TMEFF2: variants seen among roughly 807,000 people sequenced by gnomAD.
TMEFF2 encodes the protein tomoregulin-2.
A neutral mutation model predicts 53.8 loss-of-function variants in TMEFF2; 28 were observed. The observed-to-expected ratio is 0.52, with a 90% confidence interval of 0.39 to 0.71. TMEFF2 has a LOEUF of 0.71. TMEFF2 is among the 30% of genes least tolerant of loss of function. The pLI is 0.00. For synonymous variants in TMEFF2, 162 were observed against 166.3 expected (o/e 0.97, Z 0.20); for missense variants, 353 against 455.2 (o/e 0.78, Z 2.04).
chr2:192,120,861 C>G (rs936468785), intron 4 of TMEFF2, among the ~76,000 whole-genome samples: 2 of 152,018 alleles, frequency 1.3e-5, no homozygotes, highest in African/African-American at 2.4e-5. Context: ...CTCAGCCTCC[C>G]GAATAGCTGG....
At chr2:192,075,308 T>TATATATATAAATATAA (rs1688395499) in intron 4 of TMEFF2, among the ~76,000 whole-genome samples, 10 of 67,940 alleles carry the variant, frequency 1.5e-4, no homozygotes, top group Admixed American at 3.4e-4. Context: ...TATATATATA[T>TATATATATAAATATAA]ATATATATAT....
intron 4 of TMEFF2, among the ~76,000 whole-genome samples, chr2:192,121,440 G>A (rs1454618334): frequency 6.6e-6 from 1 of 152,172 alleles, no homozygotes; most frequent in African/African-American, 2.4e-5. Flanking sequence ...TGGAGACAAA[G>A]TAGAAGGAGG....
intron 7 of TMEFF2, among the ~76,000 whole-genome samples, chr2:191,977,521 T>C (rs1025649432): frequency 2.0e-5 from 3 of 152,200 alleles, no homozygotes; most frequent in African/African-American, 7.2e-5. Flanking sequence ...ACAGGGTCAG[T>C]AAAGATACAC....
At chr2:192,146,365 G>A (rs913729083) in intron 4 of TMEFF2, among the ~76,000 whole-genome samples, 3 of 152,042 alleles carry the variant, frequency 2.0e-5, no homozygotes, top group African/African-American at 7.2e-5. Flanking sequence ...GGAAATGGGT[G>A]TGGAGGGGAG....
At chr2:192,176,540 G>C (rs1691049464) in intron 4 of TMEFF2, among the ~76,000 whole-genome samples, 1 of 151,254 alleles carries the variant, frequency 6.6e-6, no homozygotes. Flanking sequence ...TGTGGGTCAT[G>C]TTGGAAGCAC....
chr2:191,995,247 T>C (rs1686195947), intron 7 of TMEFF2, among the ~76,000 whole-genome samples: 1 of 152,008 alleles, frequency 6.6e-6, no homozygotes. Flanking sequence ...TTCAAGAAGA[T>C]CTCCATTTTT....
chr2:192,156,025 A>C (rs1215429524), intron 4 of TMEFF2, among the ~76,000 whole-genome samples: 1 of 151,592 alleles, frequency 6.6e-6, no homozygotes, highest in Non-Finnish European at 1.5e-5. Context: ...AAAAAAAAAA[A>C]CAAGATAATA....
At chr2:191,973,421 GTATATACACATACACGCACATGCA>G (rs1692708944) in intron 7 of TMEFF2, among the ~76,000 whole-genome samples, 1 of 151,960 alleles carries the variant, frequency 6.6e-6, no homozygotes, top group Non-Finnish European at 1.5e-5. Flanking sequence ...ATATGTGTGT[GTATATACACATACACGCACATGCA>G]TATATACACA....
intron 4 of TMEFF2, among the ~76,000 whole-genome samples, chr2:192,143,595 A>G (rs1690186287): frequency 6.6e-6 from 1 of 152,142 alleles, no homozygotes; most frequent in South Asian, 2.1e-4. Context: ...CATTTTTTTA[A>G]TATCATGGAT....
chr2:192,151,684 C>T (rs888184300), intron 4 of TMEFF2, among the ~76,000 whole-genome samples: 1 of 151,848 alleles, frequency 6.6e-6, no homozygotes, highest in Non-Finnish European at 1.5e-5. Context: ...AAACTTTTCT[C>T]TGACACTCAG....
rs1691138549 is a variant in TMEFF2, at chr2:192,179,672, A to G, written c.435T>C (p.Asp145=). Residue 145 remains aspartate (D), a synonymous_variant, in exon 4 of 10, where the codon GAT becomes GAC. Coordinates refer to ENST00000272771, the MANE Select transcript of TMEFF2 (RefSeq NM_016192.4). ...ATGTAAAAAGGCAACTCCTACCTCC[A>G]TCTCCAGATCCTGATCCTGCATCTG... ...CATDAGSGSG[D]GVHEGSGETS... 6.5e-7 allele frequency: 1 copy of G among 1,544,922 alleles called. No homozygotes were observed. The highest frequency in any genetic ancestry group is 2.5e-5 in the East Asian group (1 of 40,282).
chr2:192,121,523 G>T (rs1290905361), intron 4 of TMEFF2, among the ~76,000 whole-genome samples: 4 of 152,118 alleles, frequency 2.6e-5, no homozygotes, highest in African/African-American at 7.2e-5. Context: ...TGGAACTAGG[G>T]CTTCAGCTTT....
In TMEFF2 at chr2:191,950,333, C is replaced by T; in HGVS notation, c.1103G>A (p.Arg368Lys). 1 of 1,613,282 alleles carries T rather than the reference C, an allele frequency of 6.2e-7. No homozygotes were observed. The change falls in exon 10 of 10, where the codon AGA (arginine) becomes AAA (lysine). Residue 368 changes from arginine to lysine, a missense_variant. Arg to Lys is a conservative substitution (Grantham distance 26). Transcript: ENST00000272771. ...CCTTTAGATTAACCTCGTGGACGCT[C>T]TTGTTGTATTGTCTGAACTGTAGTG... ...TGHYSSDNTT[R>K]ASTRLI
At chr2:192,175,345 AC>A (rs1161590156) in intron 4 of TMEFF2, among the ~76,000 whole-genome samples, 5 of 151,696 alleles carry the variant, frequency 3.3e-5, no homozygotes, top group Non-Finnish European at 5.9e-5. Context: ...TGCCATGTAA[AC>A]CTTTCTTGTT....
chr2:191,993,696 A>T (rs536962217), intron 7 of TMEFF2, among the ~76,000 whole-genome samples: 5 of 152,144 alleles, frequency 3.3e-5, no homozygotes, highest in African/African-American at 1.2e-4. Flanking sequence ...AATACCCATA[A>T]ATGAAAGTCA....
At chr2:192,046,918 T>G (rs1349842958) in intron 5 of TMEFF2, among the ~76,000 whole-genome samples, 2 of 152,030 alleles carry the variant, frequency 1.3e-5, no homozygotes, top group Non-Finnish European at 2.9e-5. Context: ...CCTGTTTTTT[T>G]TTTTTTAATT....
intron 4 of TMEFF2, among the ~76,000 whole-genome samples, chr2:192,081,279 G>C (rs574400823): frequency 3.9e-5 from 6 of 152,304 alleles, no homozygotes; most frequent in African/African-American, 1.4e-4. Flanking sequence ...TGTTTGCAAA[G>C]AAGCTTGTCT....
At chr2:192,161,195 G>T (rs1690624567) in intron 4 of TMEFF2, among the ~76,000 whole-genome samples, 1 of 152,016 alleles carries the variant, frequency 6.6e-6, no homozygotes, top group African/African-American at 2.4e-5. Context: ...TTGAGACAGG[G>T]TCTTGCTCTG....
intron 4 of TMEFF2, among the ~76,000 whole-genome samples, chr2:192,098,609 C>A (rs1434552489): frequency 1.3e-5 from 2 of 152,172 alleles, no homozygotes; most frequent in African/African-American, 4.8e-5. Context: ...CAGAAGCCAT[C>A]TGCTGCTCGT....
Sources: gnomAD v4.1 joint callset for allele counts (sites outside exome capture counted in the v4.1 genomes callset) on GRCh38, gnomAD v4.1.1 for gene constraint, MANE v1.5 for transcripts, NCBI Gene and HGNC (gene_info 2026-07-23, HGNC 2026-07-21) for gene names.